OSBP2: variants seen among roughly 807,000 people sequenced by gnomAD.
The protein encoded by OSBP2 is oxysterol binding protein 2.
In OSBP2, 66 loss-of-function variants were observed where a neutral mutation model predicts 96.0. The ratio of observed to expected loss-of-function variants is 0.69; its 90% CI spans 0.56 to 0.84. The LOEUF is 0.84. Ranked by LOEUF, OSBP2 falls within the 40% of genes least tolerant of loss-of-function variation. The pLI is 0.00. For synonymous variants in OSBP2, 525 were observed against 520.9 expected (o/e 1.01, Z -0.11); for missense variants, 1,038 against 1,222.7 (o/e 0.85, Z 2.25).
intron 2 of OSBP2, among the ~76,000 whole-genome samples, chr22:30,838,654 C>T (rs2147025266): frequency 6.6e-6 from 1 of 152,116 alleles, no homozygotes; most frequent in East Asian, 1.9e-4. Context: ...TCCTAGTTTT[C>T]TGAGAGATTT....
Position 30,906,399 on chromosome 22 carries a change from C to T in OSBP2, c.*60C>T. ...AGCCTGGCCCACCTGTTCATTAATG[C>T]ACTCAATTTAGTACTGAATGGTCTT... On this transcript the variant is annotated 3_prime_UTR_variant, in exon 14 of 14. Transcript: ENST00000332585. 6.6e-7 allele frequency: 1 copy of T among 1,519,216 alleles called. No homozygotes were observed. The highest frequency in any genetic ancestry group is 8.9e-7 in the Non-Finnish European group (1 of 1,129,718). The allele number at this position is 1,519,216 out of a possible 1,614,324, so 94.1% of individuals were successfully genotyped here.
chr22:30,720,887 A>G (rs1278406299), intron 1 of OSBP2, among the ~76,000 whole-genome samples: 1 of 152,128 alleles, frequency 6.6e-6, no homozygotes, highest in Non-Finnish European at 1.5e-5. Context: ...TTGTTGTGGG[A>G]GACCCTTCTC....
intron 2 of OSBP2, among the ~76,000 whole-genome samples, chr22:30,779,073 G>A (rs2090477656): frequency 6.7e-6 from 1 of 150,086 alleles, no homozygotes; most frequent in Admixed American, 6.6e-5. Context: ...ATCTTTTAAA[G>A]TTTTTTGGTG....
chr22:30,866,357 G>A (rs770756182), intron 2 of OSBP2, among the ~76,000 whole-genome samples: 1 of 152,212 alleles, frequency 6.6e-6, no homozygotes, highest in Non-Finnish European at 1.5e-5. Context: ...GCAAAGCAAC[G>A]CCTTCTCCCC....
intron 1 of OSBP2, among the ~76,000 whole-genome samples, chr22:30,706,567 C>T (rs1404138844): frequency 6.6e-6 from 1 of 152,170 alleles, no homozygotes; most frequent in Non-Finnish European, 1.5e-5. Context: ...TTTGAAGCAG[C>T]AGGAGGTGCC....
chr22:30,795,518 ATTT>A (rs136288), intron 2 of OSBP2, among the ~76,000 whole-genome samples: 15 of 122,278 alleles, frequency 1.2e-4, no homozygotes, highest in African/African-American at 1.6e-4. Flanking sequence ...TATCCAATGC[ATTT>A]TTTTTTTTTT....
chr22:30,891,491 A>G (rs1454287670), intron 8 of OSBP2, among the ~76,000 whole-genome samples: 2 of 152,012 alleles, frequency 1.3e-5, no homozygotes, highest in Non-Finnish European at 2.9e-5. Context: ...GTTGGAAACG[A>G]GGTGATTCTG....
chr22:30,783,355 G>A (rs920947281), intron 2 of OSBP2, among the ~76,000 whole-genome samples: 3 of 106,880 alleles, frequency 2.8e-5, no homozygotes, highest in Non-Finnish European at 5.1e-5. Context: ...TTGCTCTGTT[G>A]CCCAGGCTGG....
intron 2 of OSBP2, among the ~76,000 whole-genome samples, chr22:30,776,378 G>A (rs999893172): frequency 1.3e-5 from 2 of 152,050 alleles, no homozygotes; most frequent in African/African-American, 4.8e-5. Flanking sequence ...GCCCGCCCCT[G>A]CCTCCCAACA....
intron 3 of OSBP2, among the ~76,000 whole-genome samples, chr22:30,874,051 A>G (rs761821501): frequency 6.6e-6 from 1 of 152,234 alleles, no homozygotes; most frequent in Non-Finnish European, 1.5e-5. Flanking sequence ...AGCATGGCCA[A>G]CATGGTGAAA....
chr22:30,888,261 G>A lies in OSBP2; in HGVS notation c.1339G>A (p.Asp447Asn), dbSNP rs994537160. 5 of 1,613,410 alleles carry A rather than the reference G, an allele frequency of 3.1e-6. No individual in the cohort carries two copies. Among genetic ancestry groups the A allele is most frequent in the African/African-American group, 1.3e-5 (1 of 74,898 alleles). ...TCCCAAAGGAGAGGACAGTGAGGAA[G>A]ATGAAGATACCGAGTACTTTGATGC... ...LTPKGEDSEEDEDTEYFDAME... is the reference protein window; with the variant it reads ...LTPKGEDSEENEDTEYFDAME... The change falls in exon 5 of 14, where the codon GAT becomes AAT. Residue 447 changes from aspartate to asparagine, a missense_variant. Transcript: ENST00000332585.
chr22:30,905,840 G>A lies in OSBP2; in HGVS notation c.2379G>A (p.Glu793=). ...KLLWKKYPLP[E]NAENMYYFSE... ...ACCGCCACCACCACCGCCACAGGGAGAACGCGGAGAACATGTACTACTTCT... is the reference window on the plus strand; with the variant it reads ...ACCGCCACCACCACCGCCACAGGGAAAACGCGGAGAACATGTACTACTTCT... Residue 793 remains glutamate, a synonymous_variant, in exon 13 of 14, where the codon GAG becomes GAA. Coordinates refer to ENST00000332585, the MANE Select transcript of OSBP2 (RefSeq NM_030758.4). 1 of 1,612,872 alleles carries A rather than the reference G, an allele frequency of 6.2e-7. No homozygotes were observed.
At chr22:30,749,173 A>AGT (rs1461779999) in intron 2 of OSBP2, among the ~76,000 whole-genome samples, 2 of 152,136 alleles carry the variant, frequency 1.3e-5, no homozygotes, top group African/African-American at 4.8e-5. Context: ...GTGATTAACT[A>AGT]GTGGCAGGCT....
rs144946719 is a variant in OSBP2 at position 30,719,228 on chromosome 22, C to T, written c.645-21933C>T. 6.6e-5 allele frequency among the ~76,000 whole-genome samples: 10 copies of T among 152,120 alleles called. No homozygotes were observed. The East Asian group carries it at 1.2e-3, about 18-fold the overall frequency. On this transcript the variant is annotated intron_variant, in intron 1 of 13. Coordinates refer to ENST00000332585, the MANE Select transcript of OSBP2 (RefSeq NM_030758.4). ...TTCTCTTTCAGCCTTAGTTTGTGCT[C>T]GGTGGCAGTGTGTGTCATTATGTGT...
Position 30,898,506 on chromosome 22 carries a change from G to A in OSBP2, c.2375+4505G>A, listed in dbSNP as rs189520653. ...CTCACAGTTCTGCCTGATTGATTGG[G>A]GAAGCCTCAGGAAACTCAATCATGG... On this transcript the variant is annotated intron_variant, in intron 12 of 13. Transcript: ENST00000332585. 7.9e-5 allele frequency among the ~76,000 whole-genome samples: 12 copies of A among 152,252 alleles called. No homozygotes were observed. The East Asian group carries it at 1.7e-3, about 22-fold the overall frequency.
In OSBP2 at chr22:30,890,162, G is replaced by A. The variant is rs543112233; in HGVS notation, c.1623+526G>A. On this transcript the variant is annotated intron_variant, in intron 7 of 13. Coordinates refer to ENST00000332585, the MANE Select transcript of OSBP2 (RefSeq NM_030758.4). The surrounding 1 kb of genome is among the most constrained non-coding windows in gnomAD (Gnocchi z 4.4). ...GCCTCTGTGTCCACATGTGTAGGGT[G>A]GGGAGAAACACAGCGTCCTCTTCAG... Among the ~76,000 whole-genome samples, 1 of 152,296 alleles carries A rather than the reference G, an allele frequency of 6.6e-6. No homozygotes were observed. The highest frequency in any genetic ancestry group is 2.1e-4 in the South Asian group (1 of 4,822).
At position 30,907,575 on chromosome 22, in the gene OSBP2, A is replaced by G. The variant is rs1365821720; in HGVS notation, c.*1236A>G. On this transcript the variant is annotated 3_prime_UTR_variant, in exon 14 of 14. Coordinates refer to ENST00000332585, the MANE Select transcript of OSBP2 (RefSeq NM_030758.4). The stretch of plus-strand genomic sequence containing the variant: ...TCCTTTCCATTTCAGTTTAGTCCTA[A>G]AAGTTCATCACAGGGTCTTTCTTTC... The G allele has an allele frequency of 6.6e-6, 1 of 152,366 alleles. No individual in the cohort carries two copies. The highest frequency in any genetic ancestry group is 1.5e-5 in the Non-Finnish European group (1 of 68,002). The allele number at this position is 152,366 out of a possible 1,614,324, so 9.4% of individuals were successfully genotyped here.
At chr22:30,734,721 A>T (rs1263578128) in intron 1 of OSBP2, among the ~76,000 whole-genome samples, 1 of 152,234 alleles carries the variant, frequency 6.6e-6, no homozygotes, top group Non-Finnish European at 1.5e-5. Context: ...CCTTGGCTAC[A>T]GGTTAAAAAT....
intron 1 of OSBP2, chr22:30,731,451 C>G (rs2089777600): frequency 6.6e-6 from 1 of 152,422 alleles, no homozygotes; most frequent in South Asian, 2.1e-4. Context: ...ATTCATCTGA[C>G]CTGTTCTTTT....
Sources: gnomAD v4.1 joint callset for allele counts (sites outside exome capture counted in the v4.1 genomes callset) on GRCh38, gnomAD v4.1.1 for gene constraint, Gnocchi (gnomAD v3.1) non-coding constraint, MANE v1.5 for transcripts, NCBI Gene and HGNC (gene_info 2026-07-23, HGNC 2026-07-21) for gene names.